REDIC1: variants seen among roughly 807,000 people sequenced by gnomAD.
REDIC1 encodes the protein HEI10 Interacting Protein 1.
chr12:39,856,839 G>A, the REDIC1 span, among the ~76,000 whole-genome samples: 86 of 152,236 alleles, frequency 5.6e-4, 1 homozygote, highest in South Asian at 2.7e-3. Context: ...AATTGTTTTC[G>A]TTTCATACAA....
At chr12:39,738,239 A>T in the REDIC1 span, among the ~76,000 whole-genome samples, 1 of 152,164 alleles carries the variant, frequency 6.6e-6, no homozygotes, top group Non-Finnish European at 1.5e-5. Context: ...TTCCTGTTGC[A>T]TGTTGGCATG....
At chr12:39,848,834 T>C in the REDIC1 span, among the ~76,000 whole-genome samples, 1 of 152,180 alleles carries the variant, frequency 6.6e-6, no homozygotes, top group Non-Finnish European at 1.5e-5. Context: ...GGGAATATTA[T>C]GCATCCATAA....
chr12:39,698,358 G>C, the REDIC1 span, among the ~76,000 whole-genome samples: 1 of 152,134 alleles, frequency 6.6e-6, no homozygotes, highest in Non-Finnish European at 1.5e-5. Context: ...AATATTATTA[G>C]AGTGAAAGAG....
chr12:39,650,496 T>C, the REDIC1 span: 2 of 1,042,736 alleles, frequency 1.9e-6, no homozygotes, highest in Non-Finnish European at 2.6e-6. The surrounding 1 kb of genome is among the most constrained non-coding windows in gnomAD (Gnocchi z 4.3). Flanking sequence ...ATTCAAAAAG[T>C]AAAATGTATT....
the REDIC1 span, among the ~76,000 whole-genome samples, chr12:39,652,023 T>G: frequency 1.3e-5 from 2 of 152,164 alleles, no homozygotes; most frequent in Non-Finnish European, 2.9e-5. Context: ...TTGACCTCTT[T>G]CACTCAGTGT....
the REDIC1 span, chr12:39,682,698 C>T: frequency 1.2e-6 from 2 of 1,612,520 alleles, no homozygotes; most frequent in Non-Finnish European, 1.7e-6. Context: ...GACAGTCAGA[C>T]TACATTACTG....
the REDIC1 span, among the ~76,000 whole-genome samples, chr12:39,739,092 A>G: frequency 6.6e-6 from 1 of 152,052 alleles, no homozygotes; most frequent in African/African-American, 2.4e-5. Context: ...GATCAGATTC[A>G]ATGGTTATTA....
At chr12:39,906,881 T>C in the REDIC1 span, among the ~76,000 whole-genome samples, 7 of 152,168 alleles carry the variant, frequency 4.6e-5, no homozygotes, top group East Asian at 1.4e-3. Context: ...TGAGGGAAGA[T>C]AAAGTAAAAA....
chr12:39,627,562 G>C, the REDIC1 span, among the ~76,000 whole-genome samples: 1 of 152,128 alleles, frequency 6.6e-6, no homozygotes, highest in Non-Finnish European at 1.5e-5. Flanking sequence ...TATACTGCAG[G>C]AAACATGTAA....
At chr12:39,698,579 T>C in the REDIC1 span, among the ~76,000 whole-genome samples, 10 of 152,208 alleles carry the variant, frequency 6.6e-5, no homozygotes, top group Non-Finnish European at 1.2e-4. Context: ...TTCTCAAAGA[T>C]AGACATACGT....
At chr12:39,637,293 C>T in the REDIC1 span, among the ~76,000 whole-genome samples, 1 of 151,960 alleles carries the variant, frequency 6.6e-6, no homozygotes, top group South Asian at 2.1e-4. Context: ...ATTATAATGA[C>T]AACTAATATT....
At chr12:39,662,412 G>A in the REDIC1 span, among the ~76,000 whole-genome samples, 40 of 151,996 alleles carry the variant, frequency 2.6e-4, no homozygotes, top group Admixed American at 4.6e-4. Flanking sequence ...TAATGGGATT[G>A]CTTTCTTGAT....
the REDIC1 span, among the ~76,000 whole-genome samples, chr12:39,773,552 G>C: frequency 6.6e-6 from 1 of 152,164 alleles, no homozygotes; most frequent in Non-Finnish European, 1.5e-5. Flanking sequence ...TTTATCTTTA[G>C]AGTTTCAAAC....
chr12:39,706,401 A>G, the REDIC1 span, among the ~76,000 whole-genome samples: 4 of 152,138 alleles, frequency 2.6e-5, no homozygotes, highest in East Asian at 1.9e-4. Flanking sequence ...AATCTATTCA[A>G]TGCAATCACT....
At chr12:39,647,749 A>G in the REDIC1 span, 1 of 1,290,654 alleles carries the variant, frequency 7.7e-7, no homozygotes, top group South Asian at 1.8e-5. Context: ...TCTCTAGTTT[A>G]TATATTTTGG....
At chr12:39,780,648 A>G in the REDIC1 span, among the ~76,000 whole-genome samples, 2 of 152,348 alleles carry the variant, frequency 1.3e-5, no homozygotes, top group African/African-American at 4.8e-5. Flanking sequence ...AAAATATCAC[A>G]TATCAATCTC....
the REDIC1 span, among the ~76,000 whole-genome samples, chr12:39,837,469 C>T: frequency 7.2e-6 from 1 of 138,056 alleles, no homozygotes; most frequent in African/African-American, 2.7e-5. Flanking sequence ...GCAATGGCAA[C>T]AAAAGACAAA....
chr12:39,727,702 T>A, the REDIC1 span, among the ~76,000 whole-genome samples: 2 of 151,638 alleles, frequency 1.3e-5, no homozygotes, highest in Non-Finnish European at 3.0e-5. Flanking sequence ...AAAGTCTAAT[T>A]GTGTTATGGG....
At chr12:39,827,818 T>A in the REDIC1 span, among the ~76,000 whole-genome samples, 1 of 152,160 alleles carries the variant, frequency 6.6e-6, no homozygotes, top group African/African-American at 2.4e-5. Flanking sequence ...TATTGACAAT[T>A]CAGAGTTCAT....
Sources: allele counts gnomAD v4.1 joint callset (sites outside exome capture counted in the v4.1 genomes callset), GRCh38; gene constraint gnomAD v4.1.1; non-coding constraint Gnocchi (gnomAD v3.1); transcripts MANE v1.5; gene names NCBI Gene and HGNC (gene_info 2026-07-23, HGNC 2026-07-21).